Variants in PRKCB observed in about 807,000 individuals in gnomAD.
The protein encoded by PRKCB is protein kinase C beta type.
Under a neutral mutation model 81.5 loss-of-function variants are expected in PRKCB, and 13 were observed. That is an observed-to-expected ratio of 0.16 (90% CI 0.10 to 0.25). The LOEUF (loss-of-function observed/expected upper bound fraction) is 0.25, where lower values mean the gene tolerates loss of function less well. Ranked by LOEUF, PRKCB falls within the 10% of genes least tolerant of loss-of-function variation. The pLI is 1.00. For synonymous variants in PRKCB, 335 were observed against 321.4 expected, an observed-to-expected ratio of 1.04 and a Z score of -0.45; for missense variants, 509 against 875.7, an observed-to-expected ratio of 0.58 and a Z score of 5.29.
chr16:24,162,045 ATAGAAT>A (rs1967264686), intron 10 of PRKCB, among the ~76,000 whole-genome samples: 1 of 150,852 alleles, frequency 6.6e-6, no homozygotes, highest in Non-Finnish European at 1.5e-5. Context: ...TTTTTTTTAA[ATAGAAT>A]TAGATTTTAT....
chr16:23,948,094 G>A (rs1319633118), intron 2 of PRKCB, among the ~76,000 whole-genome samples: 1 of 152,032 alleles, frequency 6.6e-6, no homozygotes, highest in Admixed American at 6.6e-5. Context: ...TGTTCTGGAG[G>A]GGGAGGTGTT....
chr16:24,083,558 G>C (rs749691114), intron 5 of PRKCB, among the ~76,000 whole-genome samples: 1 of 152,182 alleles, frequency 6.6e-6, no homozygotes, highest in Non-Finnish European at 1.5e-5. Flanking sequence ...GCCCTTTGCC[G>C]AGAAAGAGAA....
At chr16:24,072,116 C>T (rs1966116087) in intron 5 of PRKCB, among the ~76,000 whole-genome samples, 1 of 147,280 alleles carries the variant, frequency 6.8e-6, no homozygotes, top group Non-Finnish European at 1.5e-5. Flanking sequence ...GTGAACAGTT[C>T]AGCGGCATTT....
chr16:23,982,123 CCT>C (rs1964737473), intron 2 of PRKCB, among the ~76,000 whole-genome samples: 1 of 33,896 alleles, frequency 3.0e-5, no homozygotes, highest in Admixed American at 2.3e-4. Flanking sequence ...TTTCCCTTCC[CCT>C]TCCCTTCCCT....
At chr16:24,084,886 G>C (rs1276756426) in intron 5 of PRKCB, among the ~76,000 whole-genome samples, 1 of 152,090 alleles carries the variant, frequency 6.6e-6, no homozygotes, top group Non-Finnish European at 1.5e-5. Flanking sequence ...TGTGGTTGGA[G>C]ATCATGGGTA....
At chr16:23,838,778 C>G (rs1436831804) in intron 2 of PRKCB, among the ~76,000 whole-genome samples, 1 of 152,216 alleles carries the variant, frequency 6.6e-6, no homozygotes, top group Non-Finnish European at 1.5e-5. Context: ...GCATACTCTT[C>G]TGAGATCGGG....
At chr16:24,171,251 A>T (rs1967435804) in intron 10 of PRKCB, among the ~76,000 whole-genome samples, 1 of 152,302 alleles carries the variant, frequency 6.6e-6, no homozygotes, top group East Asian at 1.9e-4. Flanking sequence ...ATCTGTTTCC[A>T]AGGTGATTCT....
At chr16:23,945,729 G>GAAAA (rs1964197200) in intron 2 of PRKCB, among the ~76,000 whole-genome samples, 1 of 150,936 alleles carries the variant, frequency 6.6e-6, no homozygotes, top group African/African-American at 2.4e-5. Context: ...TGGTAAAAAA[G>GAAAA]AAAAAGAAAA....
At chr16:24,197,353 T>G (rs1392383546) in intron 16 of PRKCB, among the ~76,000 whole-genome samples, 1 of 149,516 alleles carries the variant, frequency 6.7e-6, no homozygotes, top group African/African-American at 2.5e-5. Context: ...ATGAGGGAGG[T>G]GGGAGCCATG....
At chr16:23,868,071 G>A (rs1016624987) in intron 2 of PRKCB, among the ~76,000 whole-genome samples, 3 of 152,098 alleles carry the variant, frequency 2.0e-5, no homozygotes, top group African/African-American at 7.2e-5. Flanking sequence ...CTTATACACT[G>A]ACCTCAGCCT....
At chr16:23,931,544 C>T (rs1963976436) in intron 2 of PRKCB, among the ~76,000 whole-genome samples, 1 of 152,046 alleles carries the variant, frequency 6.6e-6, no homozygotes, top group African/African-American at 2.4e-5. Context: ...GAGAAGAGAC[C>T]TGAGCAGGTG....
At chr16:24,177,092 G>T (rs1324902604) in intron 12 of PRKCB, among the ~76,000 whole-genome samples, 4 of 152,054 alleles carry the variant, frequency 2.6e-5, no homozygotes, top group Non-Finnish European at 4.4e-5. Flanking sequence ...GAACCAACTG[G>T]GTTCTTGAGA....
intron 2 of PRKCB, among the ~76,000 whole-genome samples, chr16:23,916,369 A>C (rs1963739858): frequency 6.6e-6 from 1 of 151,954 alleles, no homozygotes; most frequent in Non-Finnish European, 1.5e-5. Context: ...ATATTGCAGT[A>C]TCTTTTTTTA....
intron 2 of PRKCB, among the ~76,000 whole-genome samples, chr16:23,881,923 G>A (rs193103776): frequency 2.0e-5 from 3 of 151,270 alleles, no homozygotes; most frequent in Admixed American, 1.3e-4. Context: ...GACTCTTGCA[G>A]TATTTGTCTT....
At chr16:23,988,426 T>C in intron 2 of PRKCB, 82 bp from the exon 3 acceptor site, 1 of 1,113,318 alleles carries the variant, frequency 9.0e-7, no homozygotes, top group South Asian at 1.4e-5. Flanking sequence ...TCAAGTTTAA[T>C]GATCTCTTCC....
intron 16 of PRKCB, among the ~76,000 whole-genome samples, chr16:24,199,193 C>T (rs1265067318): frequency 2.6e-5 from 4 of 152,194 alleles, no homozygotes; most frequent in African/African-American, 9.7e-5. Context: ...TTGCCCGTAT[C>T]CTCTGAGAGT....
rs550068037 is a variant in PRKCB, at chr16:24,037,858, G to A, written c.529+2311G>A. Among the ~76,000 whole-genome samples, 221 of 132,178 alleles carry A rather than the reference G, an allele frequency of 1.7e-3. 1 individual carries two copies. Among genetic ancestry groups the A allele is most frequent in the South Asian group, 0.013 (52 of 4,110 alleles). 86.7% of individuals were successfully genotyped at this position (132,178 alleles called of 152,430 possible). ...CAAACTGGGTGGCTTAAGACAAGAC[G>A]TTTAAAAAAAAAAAAAAAGAAACGA... On this transcript the variant is annotated intron_variant, in intron 5 of 16. Transcript: ENST00000643927.
Position 24,051,789 on chromosome 16 carries a change from G to A in PRKCB, c.529+16242G>A, listed in dbSNP as rs916531849. Among the ~76,000 whole-genome samples the A allele has an allele frequency of 1.4e-4, 21 of 152,270 alleles. No homozygotes were observed. The East Asian group carries it at 3.7e-3, about 27-fold the overall frequency. The stretch of plus-strand genomic sequence containing the variant: ...CTCAGCTACTCAGGAGACTGAGGAA[G>A]GAGGATCACTGAATCCAGGAGTTCA... On this transcript the variant is annotated intron_variant, in intron 5 of 16. Transcript: ENST00000643927.
chr16:24,172,220 GC>G, intron 10 of PRKCB, 49 bp from the exon 11 acceptor site: 1 of 1,390,802 alleles, frequency 7.2e-7, no homozygotes, highest in Non-Finnish European at 1.0e-6. Context: ...TCCATTTGGA[GC>G]CCCAGAAGCT....
Sources: allele counts gnomAD v4.1 joint callset (sites outside exome capture counted in the v4.1 genomes callset), GRCh38; gene constraint gnomAD v4.1.1; transcripts MANE v1.5; gene names NCBI Gene and HGNC (gene_info 2026-07-23, HGNC 2026-07-21).